Variants in KIF16B observed in about 807,000 individuals in gnomAD.
KIF16B encodes kinesin-like protein KIF16B.
Under a neutral mutation model 156.3 loss-of-function variants are expected in KIF16B, and 98 were observed. The ratio of observed to expected loss-of-function variants is 0.63; its 90% CI spans 0.53 to 0.74. The LOEUF (loss-of-function observed/expected upper bound fraction) is 0.74, where lower values mean the gene tolerates loss of function less well. KIF16B is among the 30% of genes least tolerant of loss of function. The pLI is 0.00. For synonymous variants in KIF16B, 564 were observed against 583.7 expected, an observed-to-expected ratio of 0.97 and a Z score of 0.49; for missense variants, 1,421 against 1,606.5, an observed-to-expected ratio of 0.88 and a Z score of 1.97.
At chr20:16,371,595 A>G in intron 21 of KIF16B, 70 bp downstream of exon 21, 1 of 1,037,148 alleles carries the variant, frequency 9.6e-7, no homozygotes. Context: ...GTCTCAAAAA[A>G]AAAAAAAAAA....
chr20:16,352,351 A>G (rs1210533367), intron 23 of KIF16B, among the ~76,000 whole-genome samples: 2 of 152,244 alleles, frequency 1.3e-5, no homozygotes, highest in Non-Finnish European at 2.9e-5. Flanking sequence ...TTATTTCATA[A>G]AAGAGTTGTT....
At position 16,573,301 on chromosome 20, in the gene KIF16B, G is replaced by C. The variant is rs2071526271; in HGVS notation, c.-26C>G. ...CGCTCATCCCGAACCAGCCCGCGCG[G>C]GGTCCCACTAGCCCAGAACTCCGCG... On this transcript the variant is annotated 5_prime_UTR_variant, in exon 1 of 26. Transcript: ENST00000354981. 1.2e-6 allele frequency: 2 copies of C among 1,608,980 alleles called. No homozygotes were observed. Among genetic ancestry groups the C allele is most frequent in the African/African-American group, 1.3e-5 (1 of 74,804 alleles).
At chr20:16,489,494 CA>C (rs2068221823) in intron 12 of KIF16B, among the ~76,000 whole-genome samples, 1 of 152,098 alleles carries the variant, frequency 6.6e-6, no homozygotes, top group African/African-American at 2.4e-5. Flanking sequence ...CCCAGGAATT[CA>C]AGACCAGCCT....
At chr20:16,355,411 T>C (rs1260572530) in intron 23 of KIF16B, among the ~76,000 whole-genome samples, 1 of 152,234 alleles carries the variant, frequency 6.6e-6, no homozygotes, top group Admixed American at 6.5e-5. Context: ...GAGGATCAGA[T>C]GACTTATGGC....
intron 12 of KIF16B, among the ~76,000 whole-genome samples, chr20:16,488,606 A>G (rs2068192914): frequency 6.6e-6 from 1 of 152,340 alleles, no homozygotes; most frequent in South Asian, 2.1e-4. Context: ...CCAAGCCTAC[A>G]GGTACACAGG....
intron 23 of KIF16B, among the ~76,000 whole-genome samples, chr20:16,350,595 A>G (rs1274025425): frequency 6.6e-6 from 1 of 151,886 alleles, no homozygotes; most frequent in Non-Finnish European, 1.5e-5. Context: ...CTCGGACACA[A>G]TCAAGAAGCT....
intron 22 of KIF16B, among the ~76,000 whole-genome samples, chr20:16,364,572 G>C (rs2064618809): frequency 6.6e-6 from 1 of 152,192 alleles, no homozygotes; most frequent in Admixed American, 6.5e-5. Flanking sequence ...ACAGCAGAGG[G>C]AGCTACTAGG....
At chr20:16,523,694 C>T (rs945623373) in intron 3 of KIF16B, among the ~76,000 whole-genome samples, 3 of 152,150 alleles carry the variant, frequency 2.0e-5, no homozygotes, top group East Asian at 3.9e-4. Flanking sequence ...CTTTAAATTT[C>T]ATATGGAACC....
chr20:16,510,643 C>T (rs142623982), intron 6 of KIF16B, among the ~76,000 whole-genome samples: 101 of 152,136 alleles, frequency 6.6e-4, no homozygotes, highest in African/African-American at 2.2e-3. Context: ...AGCAAGACTC[C>T]GTCCCAAAAG....
chr20:16,414,284 A>G (rs1241143631), intron 15 of KIF16B, among the ~76,000 whole-genome samples: 4 of 152,158 alleles, frequency 2.6e-5, no homozygotes, highest in African/African-American at 9.6e-5. Flanking sequence ...CAAGCAGGAC[A>G]TATGGCTTGG....
chr20:16,368,393 A>C, intron 22 of KIF16B: 1 of 989,088 alleles, frequency 1.0e-6, no homozygotes, highest in East Asian at 1.1e-4. Flanking sequence ...GATTCTGTTG[A>C]CTGCATGTCA....
At chr20:16,434,751 A>G (rs923531136) in intron 12 of KIF16B, among the ~76,000 whole-genome samples, 2 of 152,202 alleles carry the variant, frequency 1.3e-5, no homozygotes, top group African/African-American at 4.8e-5. Context: ...CTGAACAGAC[A>G]AGAATGAAAT....
chr20:16,300,075 T>C lies in KIF16B; in HGVS notation c.3795+12260A>G, dbSNP rs542668095. 2.6e-5 allele frequency among the ~76,000 whole-genome samples: 4 copies of C among 152,328 alleles called. No individual in the cohort carries two copies. The South Asian group carries it at 6.2e-4, about 24-fold the overall frequency. ...TCAGTGTTCCATGCGGCCTCTCACC[T>C]ACTTAATGGTTACATGTGATTACGA... On this transcript the variant is annotated intron_variant, in intron 25 of 25. Coordinates refer to ENST00000354981, the MANE Select transcript of KIF16B (RefSeq NM_024704.5).
intron 12 of KIF16B, among the ~76,000 whole-genome samples, chr20:16,481,484 C>T (rs538086138): frequency 5.9e-5 from 9 of 152,288 alleles, no homozygotes; most frequent in African/African-American, 2.2e-4. Context: ...AGCTACCACA[C>T]CTGTCCAAAA....
chr20:16,410,107 G>A (rs2065904116), intron 15 of KIF16B, among the ~76,000 whole-genome samples: 1 of 119,814 alleles, frequency 8.3e-6, no homozygotes, highest in Non-Finnish European at 1.8e-5. Context: ...ATATATATAT[G>A]TAGGTACATA....
At chr20:16,277,179 T>TGCA (rs1342311632) in intron 25 of KIF16B, among the ~76,000 whole-genome samples, 6 of 152,234 alleles carry the variant, frequency 3.9e-5, no homozygotes, top group African/African-American at 1.4e-4. Context: ...GATGCGGCCA[T>TGCA]GCTGTGCGCA....
chr20:16,298,130 C>T (rs2063418605), intron 25 of KIF16B, among the ~76,000 whole-genome samples: 1 of 152,192 alleles, frequency 6.6e-6, no homozygotes, highest in South Asian at 2.1e-4. Context: ...ATTCCTGAGT[C>T]CCACCCTAGT....
intron 1 of KIF16B, among the ~76,000 whole-genome samples, chr20:16,553,619 T>C (rs1482309431): frequency 6.6e-6 from 1 of 152,232 alleles, no homozygotes; most frequent in Middle Eastern, 3.2e-3. Context: ...TGTTCCTTTC[T>C]CCAGACACCT....
intron 22 of KIF16B, among the ~76,000 whole-genome samples, chr20:16,370,103 G>A (rs2064780119): frequency 3.3e-5 from 5 of 152,168 alleles, no homozygotes; most frequent in Admixed American, 3.3e-4. Flanking sequence ...GGAGAGACAT[G>A]CCTCTCAGTG....
Sources: gnomAD v4.1 joint callset for allele counts (sites outside exome capture counted in the v4.1 genomes callset) on GRCh38, gnomAD v4.1.1 for gene constraint, MANE v1.5 for transcripts, NCBI Gene and HGNC (gene_info 2026-07-23, HGNC 2026-07-21) for gene names.